Variants in SNTB1 observed in about 807,000 individuals in gnomAD.
The protein encoded by SNTB1 is syntrophin beta 1, also known as beta-1-syntrophin.
A neutral mutation model predicts 48.9 loss-of-function variants in SNTB1; 36 were observed. That is an observed-to-expected ratio of 0.74 (90% CI 0.56 to 0.97). The LOEUF is 0.97. Among genes scored for constraint, SNTB1 ranks in the 50% least tolerant of loss-of-function variants. The probability of loss-of-function intolerance (pLI) is 0.00; values close to 1 mark genes in which losing one functional copy is unlikely to be tolerated. For missense variants in SNTB1, 786 were observed against 703.4 expected, an observed-to-expected ratio of 1.12 and a Z score of -1.33; for synonymous variants, 299 against 294.6, an observed-to-expected ratio of 1.01 and a Z score of -0.15.
chr8:120,574,387 T>C (rs1009336142), intron 4 of SNTB1, among the ~76,000 whole-genome samples: 3 of 152,112 alleles, frequency 2.0e-5, no homozygotes, highest in African/African-American at 7.2e-5. Flanking sequence ...AAAAATAAAA[T>C]ATAGAGGAAG....
chr8:120,599,938 A>G (rs76115074), intron 3 of SNTB1, among the ~76,000 whole-genome samples: 1 of 152,214 alleles, frequency 6.6e-6, no homozygotes, highest in African/African-American at 2.4e-5. Context: ...CATAAGCTAT[A>G]CTTATTACAT....
At chr8:120,664,363 T>C (rs1357828536) in intron 2 of SNTB1, among the ~76,000 whole-genome samples, 1 of 152,230 alleles carries the variant, frequency 6.6e-6, no homozygotes, top group Non-Finnish European at 1.5e-5. Context: ...TATAACTGCA[T>C]TTCTAATAGC....
intron 1 of SNTB1, among the ~76,000 whole-genome samples, chr8:120,704,894 CTG>C (rs1818356105): frequency 6.6e-6 from 1 of 152,184 alleles, no homozygotes; most frequent in Non-Finnish European, 1.5e-5. Flanking sequence ...ACAGGGAGAA[CTG>C]TGTTAAAAGC....
chr8:120,711,568 C>T (rs1050313393), intron 1 of SNTB1, among the ~76,000 whole-genome samples: 1 of 152,152 alleles, frequency 6.6e-6, no homozygotes, highest in Admixed American at 6.5e-5. Context: ...GTGTTTTGCA[C>T]CAAAGAATTC....
At chr8:120,603,042 G>A (rs564715176) in intron 3 of SNTB1, among the ~76,000 whole-genome samples, 68 of 151,638 alleles carry the variant, frequency 4.5e-4, no homozygotes, top group African/African-American at 1.2e-3. Flanking sequence ...TGGGGCTATC[G>A]CCATAATATA....
At chr8:120,588,915 C>G (rs938767235) in intron 3 of SNTB1, among the ~76,000 whole-genome samples, 4 of 152,140 alleles carry the variant, frequency 2.6e-5, no homozygotes, top group Non-Finnish European at 5.9e-5. Context: ...CTGGGTAAGT[C>G]TTCTGCATAC....
chr8:120,656,878 G>C (rs1223653808), intron 2 of SNTB1, among the ~76,000 whole-genome samples: 1 of 152,172 alleles, frequency 6.6e-6, no homozygotes, highest in Non-Finnish European at 1.5e-5. Context: ...TTAGAAAAAG[G>C]TATAGAAAAT....
intron 1 of SNTB1, among the ~76,000 whole-genome samples, chr8:120,694,685 A>G (rs1258517143): frequency 6.6e-6 from 1 of 151,950 alleles, no homozygotes; most frequent in East Asian, 1.9e-4. Context: ...CAAAGCATAT[A>G]CTATAATATC....
chr8:120,700,144 GAA>G (rs1344045739), intron 1 of SNTB1, among the ~76,000 whole-genome samples: 3 of 144,422 alleles, frequency 2.1e-5, no homozygotes, highest in African/African-American at 8.1e-5. Flanking sequence ...TTCTCGCTCT[GAA>G]AAAAAATTGC....
intron 1 of SNTB1, among the ~76,000 whole-genome samples, chr8:120,762,581 C>T (rs146280051): frequency 1.3e-5 from 2 of 152,150 alleles, no homozygotes; most frequent in Non-Finnish European, 2.9e-5. Context: ...TTCATAGGCT[C>T]GTTGCCAACA....
At position 120,536,120 on chromosome 8, in the gene SNTB1, T is replaced by A. The variant is rs530697679; in HGVS notation, c.*2757A>T. On this transcript the variant is annotated 3_prime_UTR_variant, in exon 7 of 7. Transcript: ENST00000517992. Reference sequence around the variant, plus strand: ...TTTGGTTTCTCCTACTTAGTTCAAGTCAGAGAAAGAAAAACCAATATCTAT... The same window carrying A: ...TTTGGTTTCTCCTACTTAGTTCAAGACAGAGAAAGAAAAACCAATATCTAT... 14 of 152,174 alleles carry A rather than the reference T, an allele frequency of 9.2e-5. No individual in the cohort carries two copies. Among genetic ancestry groups the A allele is most frequent in the Admixed American group, 3.9e-4 (6 of 15,278 alleles). The allele number at this position is 152,174 out of a possible 1,614,324, so 9.4% of individuals were successfully genotyped here. A position where few individuals can be genotyped will look rare whatever the true frequency, so the allele number is the denominator to read the frequency against.
chr8:120,736,078 G>T (rs1032885242), intron 1 of SNTB1, among the ~76,000 whole-genome samples: 6 of 152,144 alleles, frequency 3.9e-5, no homozygotes, highest in Admixed American at 3.9e-4. Context: ...CAAAGGGGAA[G>T]CAAGGCACCT....
intron 5 of SNTB1, among the ~76,000 whole-genome samples, chr8:120,543,671 C>T (rs1049248700): frequency 2.8e-4 from 42 of 152,216 alleles, no homozygotes; most frequent in Admixed American, 2.0e-3. Flanking sequence ...TGACAGTAGG[C>T]GGGGAGGCCT....
At chr8:120,659,782 C>A (rs1444482535) in intron 2 of SNTB1, among the ~76,000 whole-genome samples, 2 of 152,170 alleles carry the variant, frequency 1.3e-5, no homozygotes, top group Non-Finnish European at 2.9e-5. Flanking sequence ...TGCCTTCACT[C>A]ATGATCACAT....
intron 3 of SNTB1, among the ~76,000 whole-genome samples, chr8:120,591,958 A>G (rs1382229483): frequency 6.6e-6 from 1 of 152,170 alleles, no homozygotes; most frequent in African/African-American, 2.4e-5. Flanking sequence ...CTTCAGTTTA[A>G]TTTTTTACTA....
chr8:120,539,395 C>A (rs549099551), intron 6 of SNTB1, among the ~76,000 whole-genome samples: 1 of 152,302 alleles, frequency 6.6e-6, no homozygotes, highest in South Asian at 2.1e-4. Flanking sequence ...TCTTAAAATT[C>A]TTCTCAGTCC....
At chr8:120,620,607 A>G (rs1816777896) in intron 3 of SNTB1, among the ~76,000 whole-genome samples, 1 of 152,016 alleles carries the variant, frequency 6.6e-6, no homozygotes, top group Non-Finnish European at 1.5e-5. Flanking sequence ...TTTGAATTCA[A>G]CAGCTAATAT....
At chr8:120,791,605 C>T (rs1386068324) in intron 1 of SNTB1, among the ~76,000 whole-genome samples, 2 of 151,626 alleles carry the variant, frequency 1.3e-5, no homozygotes, top group Middle Eastern at 3.2e-3. Context: ...AGAAAAAATC[C>T]AAATAATCCC....
chr8:120,704,432 T>C (rs972305618), intron 1 of SNTB1, among the ~76,000 whole-genome samples: 2 of 150,928 alleles, frequency 1.3e-5, no homozygotes, highest in African/African-American at 2.5e-5. Flanking sequence ...CTCCAGCCTG[T>C]GCAAAAGAAC....
Sources: allele counts gnomAD v4.1 joint callset (sites outside exome capture counted in the v4.1 genomes callset), GRCh38; gene constraint gnomAD v4.1.1; transcripts MANE v1.5; gene names NCBI Gene and HGNC (gene_info 2026-07-23, HGNC 2026-07-21).